GRIN2A: variants seen among roughly 807,000 people sequenced by gnomAD.
The protein encoded by GRIN2A is glutamate receptor ionotropic, NMDA 2A.
GRIN2A carries 22 observed loss-of-function variants against 113.4 expected under a neutral mutation model. The ratio of observed to expected loss-of-function variants is 0.19; its 90% CI spans 0.14 to 0.28. The LOEUF (loss-of-function observed/expected upper bound fraction) is 0.28, where lower values mean the gene tolerates loss of function less well. Ranked by LOEUF, GRIN2A falls within the 10% of genes least tolerant of loss-of-function variation. The pLI is 1.00. For missense variants in GRIN2A, 1,502 were observed against 1,887.0 expected (o/e 0.80, Z 3.78); for synonymous variants, 827 against 738.4 (o/e 1.12, Z -1.94).
intron 2 of GRIN2A, among the ~76,000 whole-genome samples, chr16:9,973,872 G>A (rs1200085015): frequency 6.6e-6 from 1 of 152,186 alleles, no homozygotes; most frequent in East Asian, 1.9e-4. Flanking sequence ...ATAAAACTAA[G>A]AGAATTCATT....
chr16:10,074,213 A>G (rs1344025506), intron 2 of GRIN2A, among the ~76,000 whole-genome samples: 1 of 152,266 alleles, frequency 6.6e-6, no homozygotes, highest in Non-Finnish European at 1.5e-5. Flanking sequence ...TAAATTCAGA[A>G]GAATGGAAAT....
intron 2 of GRIN2A, among the ~76,000 whole-genome samples, chr16:10,090,466 A>G (rs2048165732): frequency 6.6e-6 from 1 of 152,222 alleles, no homozygotes; most frequent in Admixed American, 6.5e-5. Context: ...GATGCTGGGA[A>G]AATTTGATAT....
chr16:9,782,978 T>A (rs1902017682), intron 11 of GRIN2A, among the ~76,000 whole-genome samples: 1 of 152,202 alleles, frequency 6.6e-6, no homozygotes, highest in Non-Finnish European at 1.5e-5. Flanking sequence ...TGCTTAGAAC[T>A]GACATATCTC....
At chr16:9,814,946 G>A (rs533060673) in intron 10 of GRIN2A, among the ~76,000 whole-genome samples, 35 of 151,772 alleles carry the variant, frequency 2.3e-4, no homozygotes, top group African/African-American at 6.3e-4. Context: ...GCTTGAACCC[G>A]GAAGGCAGAG....
intron 4 of GRIN2A, among the ~76,000 whole-genome samples, chr16:9,856,319 C>T (rs531969263): frequency 6.6e-6 from 1 of 152,128 alleles, no homozygotes; most frequent in Non-Finnish European, 1.5e-5. Flanking sequence ...AAGGTTACAA[C>T]AAGGCCACAG....
chr16:9,950,859 A>G (rs1014565089), intron 2 of GRIN2A, among the ~76,000 whole-genome samples: 4 of 152,240 alleles, frequency 2.6e-5, no homozygotes, highest in African/African-American at 9.6e-5. Flanking sequence ...GAGCTCATGT[A>G]CAGTAGCTGT....
At chr16:10,119,408 C>T (rs548333866) in intron 2 of GRIN2A, among the ~76,000 whole-genome samples, 7 of 152,296 alleles carry the variant, frequency 4.6e-5, no homozygotes, top group African/African-American at 9.6e-5. Context: ...TTAATATTTT[C>T]CAGAAATCTG....
At chr16:10,069,371 A>G (rs8059513) in intron 2 of GRIN2A, among the ~76,000 whole-genome samples, 14,492 of 152,272 alleles carry the variant, frequency 0.095, 769 homozygotes, top group African/African-American at 0.11. Context: ...CAAGGTTAAA[A>G]GGCTAAGTGT....
intron 2 of GRIN2A, among the ~76,000 whole-genome samples, chr16:9,942,104 C>T (rs28530561): frequency 0.026 from 3,933 of 152,244 alleles, 168 homozygotes; most frequent in African/African-American, 0.09. Context: ...ATCAGGAGAT[C>T]ATGCTATCTT....
At chr16:9,776,862 G>T (rs1901633847) in intron 11 of GRIN2A, among the ~76,000 whole-genome samples, 1 of 152,114 alleles carries the variant, frequency 6.6e-6, no homozygotes, top group South Asian at 2.1e-4. Flanking sequence ...AGATTCATTG[G>T]CAGGCTCATG....
intron 2 of GRIN2A, among the ~76,000 whole-genome samples, chr16:10,174,388 C>T (rs1362749980): frequency 1.3e-5 from 2 of 152,180 alleles, no homozygotes; most frequent in Non-Finnish European, 2.9e-5. Flanking sequence ...CTCACAGATA[C>T]AGGGCATAAG....
intron 3 of GRIN2A, among the ~76,000 whole-genome samples, chr16:9,896,887 G>C (rs1357798993): frequency 6.6e-6 from 1 of 152,172 alleles, no homozygotes; most frequent in Non-Finnish European, 1.5e-5. Context: ...ACATTGATCA[G>C]TTCCCATTAA....
At chr16:9,961,212 C>T (rs557853457) in intron 2 of GRIN2A, among the ~76,000 whole-genome samples, 10 of 152,202 alleles carry the variant, frequency 6.6e-5, no homozygotes, top group South Asian at 2.1e-4. Flanking sequence ...GCTGTGGTCC[C>T]GGAGGAAGAC....
intron 3 of GRIN2A, among the ~76,000 whole-genome samples, chr16:9,902,940 G>GTTTT (rs34185441): frequency 2.0e-5 from 1 of 50,636 alleles, no homozygotes; most frequent in Non-Finnish European, 3.2e-5. Context: ...TCTTGGTTCT[G>GTTTT]TTTTTTTTTT....
chr16:9,941,237 A>G (rs568809507), intron 2 of GRIN2A, among the ~76,000 whole-genome samples: 7 of 152,334 alleles, frequency 4.6e-5, no homozygotes, highest in Non-Finnish European at 7.4e-5. Flanking sequence ...CAGACATGCC[A>G]GATGGTGATG....
At chr16:9,819,521 G>GAAA (rs572371350) in intron 10 of GRIN2A, among the ~76,000 whole-genome samples, 3 of 134,220 alleles carry the variant, frequency 2.2e-5, no homozygotes, top group African/African-American at 8.1e-5. Context: ...GACCCTGTCT[G>GAAA]AAAAAAAAAA....
intron 3 of GRIN2A, among the ~76,000 whole-genome samples, chr16:9,904,942 G>A (rs567604428): frequency 7.2e-5 from 11 of 152,204 alleles, no homozygotes; most frequent in African/African-American, 2.4e-4. Context: ...AGTTGTCCCA[G>A]CACTGAGGTG....
chr16:9,754,243 T>A lies in GRIN2A; in HGVS notation c.*8906A>T, dbSNP rs1435185919. 1 of 195,778 alleles carries A rather than the reference T, an allele frequency of 5.1e-6. No homozygotes were observed. The highest frequency in any genetic ancestry group is 2.3e-5 in the African/African-American group (1 of 43,268). 12.1% of individuals were successfully genotyped at this position (195,778 alleles called of 1,614,324 possible). A position where few individuals can be genotyped will look rare whatever the true frequency, so the allele number is the denominator to read the frequency against. On this transcript the variant is annotated 3_prime_UTR_variant, in exon 13 of 13. Coordinates refer to ENST00000330684, the MANE Select transcript of GRIN2A (RefSeq NM_001134407.3). ...GCCAATTAATTCAGCAGGTTTATGC[T>A]TTTAAATTTGTTTTGGCAGGGGAAT...
At chr16:9,809,207 G>T (rs1007172099) in intron 10 of GRIN2A, among the ~76,000 whole-genome samples, 1 of 152,166 alleles carries the variant, frequency 6.6e-6, no homozygotes, top group Non-Finnish European at 1.5e-5. Context: ...ATTACTGAAG[G>T]TTAGGAGTTT....
Sources: allele counts gnomAD v4.1 joint callset (sites outside exome capture counted in the v4.1 genomes callset), GRCh38; gene constraint gnomAD v4.1.1; transcripts MANE v1.5; gene names NCBI Gene and HGNC (gene_info 2026-07-23, HGNC 2026-07-21).